ITGA11: variants seen among roughly 807,000 people sequenced by gnomAD.
ITGA11 encodes integrin alpha-11.
In ITGA11, 97 loss-of-function variants were observed where a neutral mutation model predicts 141.9. The observed-to-expected ratio is 0.68, with a 90% CI of 0.58 to 0.81. The LOEUF (loss-of-function observed/expected upper bound fraction) is 0.81. ITGA11 is among the 30% of genes least tolerant of loss of function. The probability of loss-of-function intolerance (pLI) is 0.00; values close to 1 mark genes in which losing one functional copy is unlikely to be tolerated. For missense variants in ITGA11, 1,387 were observed against 1,559.2 expected (o/e 0.89, Z 1.86); for synonymous variants, 658 against 624.6 (o/e 1.05, Z -0.80).
chr15:68,378,779 A>C (rs1354629929), intron 2 of ITGA11, among the ~76,000 whole-genome samples: 2 of 152,246 alleles, frequency 1.3e-5, no homozygotes, highest in Non-Finnish European at 2.9e-5. Context: ...TGATGGCTGG[A>C]CATAGAGGCG....
chr15:68,325,243 TG>T lies in ITGA11; in HGVS notation c.2212-3del, dbSNP rs1567129323. The T allele has an allele frequency of 3.1e-6, 5 of 1,608,658 alleles. No homozygotes were observed. Among genetic ancestry groups the T allele is most frequent in the Non-Finnish European group, 3.4e-6 (4 of 1,175,148 alleles). On this transcript the variant is annotated splice_region_variant and splice_polypyrimidine_tract_variant and intron_variant, in intron 17 of 29. Coordinates refer to ENST00000315757, the MANE Select transcript of ITGA11 (RefSeq NM_001004439.2). This position sits in a 1 kb window ranked among gnomAD's most constrained non-coding sequence, Gnocchi z 5.5. ...TGGCTTCACGTAGTCAGCAGTGTCC[TG>T]GGGGGTGGAGATGAGGGCAGCGGTG...
At chr15:68,353,457 C>T (rs1400762625) in intron 7 of ITGA11, among the ~76,000 whole-genome samples, 1 of 151,966 alleles carries the variant, frequency 6.6e-6, no homozygotes, top group African/African-American at 2.4e-5. Flanking sequence ...CATGGAAGGG[C>T]CAGGCCCAGG....
At chr15:68,370,050 G>A (rs1343237384) in intron 2 of ITGA11, among the ~76,000 whole-genome samples, 5 of 152,094 alleles carry the variant, frequency 3.3e-5, no homozygotes, top group African/African-American at 1.2e-4. Context: ...GCCAAGGAGC[G>A]CCCGGGACCA....
intron 18 of ITGA11, among the ~76,000 whole-genome samples, chr15:68,323,679 A>G (rs2140292587): frequency 6.6e-6 from 1 of 152,260 alleles, no homozygotes; most frequent in East Asian, 1.9e-4. Flanking sequence ...GGTTTACCTG[A>G]AGCTGCATCC....
At chr15:68,362,877 G>A (rs1895292728) in intron 4 of ITGA11, among the ~76,000 whole-genome samples, 1 of 151,984 alleles carries the variant, frequency 6.6e-6, no homozygotes, top group Non-Finnish European at 1.5e-5. Context: ...ATGGGTGGAT[G>A]AATGATAATG....
chr15:68,358,680 C>T, intron 5 of ITGA11, 95 bp from the exon 6 acceptor site: 2 of 1,336,054 alleles, frequency 1.5e-6, no homozygotes, highest in East Asian at 4.9e-5. Flanking sequence ...ATGAATGACT[C>T]TGCTCCATAT....
chr15:68,302,115 T>TGTG lies in ITGA11; in HGVS notation c.*943_*944insCAC, dbSNP rs1555444826. The stretch of plus-strand genomic sequence containing the variant: ...GTGTGTGTGTGTGTGTGTGTGTGTG[T>TGTG]AGGGAGGGGGTGATACAGGGAGGGG... On this transcript the variant is annotated 3_prime_UTR_variant, in exon 30 of 30. Transcript: ENST00000315757. 9.8e-5 allele frequency: 13 copies of TGTG among 133,166 alleles called. No homozygotes were observed. Among genetic ancestry groups the TGTG allele is most frequent in the Non-Finnish European group, 1.1e-4 (7 of 61,040 alleles). 8.2% of individuals were successfully genotyped at this position (133,166 alleles called of 1,614,324 possible).
At position 68,332,422 on chromosome 15, in the gene ITGA11, C is replaced by A. The variant is rs755339488; in HGVS notation, c.1482G>T (p.Val494=). The change falls in exon 13 of 30, where the codon GTG becomes GTT. Residue 494 remains valine, a synonymous_variant. Coordinates refer to ENST00000315757, the MANE Select transcript of ITGA11 (RefSeq NM_001004439.2). ...GTGCGCCCACCAGCAGGACATCAGT[C>A]ACGCCGTCGCCGTCGATGTCCACCG... ...ITSVDIDGDG[V]TDVLLVGAPM... The A allele has an allele frequency of 1.9e-6, 3 of 1,611,292 alleles. No individual in the cohort carries two copies. In the Admixed American group the frequency reaches 5.0e-5, roughly 27 times the overall value.
chr15:68,370,222 G>A (rs1376939758), intron 2 of ITGA11, among the ~76,000 whole-genome samples: 1 of 152,202 alleles, frequency 6.6e-6, no homozygotes, highest in Non-Finnish European at 1.5e-5. Context: ...TATGGCGGCC[G>A]TAAGGAACTA....
At chr15:68,334,945 G>A (rs1196001875) in intron 12 of ITGA11, among the ~76,000 whole-genome samples, 1 of 152,166 alleles carries the variant, frequency 6.6e-6, no homozygotes, top group African/African-American at 2.4e-5. Flanking sequence ...AATGGCAGGA[G>A]GGTGGCGCTC....
In ITGA11 at chr15:68,347,421, G is replaced by T. The variant is rs571158502; in HGVS notation, c.1131+1409C>A. 1.2e-4 allele frequency among the ~76,000 whole-genome samples: 19 copies of T among 152,340 alleles called. 1 individual carries two copies. In the South Asian group the frequency reaches 3.9e-3, roughly 32 times the overall value. On this transcript the variant is annotated intron_variant, in intron 10 of 29. Coordinates refer to ENST00000315757, the MANE Select transcript of ITGA11 (RefSeq NM_001004439.2). ...TGAAATGAGGTGCAGGAATTTCCTG[G>T]AGAAGTTTAAACCGCTGTGCACATG...
rs762534014 is a variant in ITGA11, at chr15:68,308,050, T to C, written c.3175-354A>G. ...ATCGCTGCAACAGATGCAGAAAAAG[T>C]ATTTTAGGAAGTCCAACTTCTGTTC... is the stretch of plus-strand genomic sequence containing the variant. On this transcript the variant is annotated intron_variant, in intron 26 of 29. Coordinates refer to ENST00000315757, the MANE Select transcript of ITGA11 (RefSeq NM_001004439.2). The surrounding 1 kb of genome is among the most constrained non-coding windows in gnomAD (Gnocchi z 5.2). 5.3e-5 allele frequency among the ~76,000 whole-genome samples: 8 copies of C among 152,342 alleles called. No homozygotes were observed. Among genetic ancestry groups the C allele is most frequent in the Non-Finnish European group, 5.9e-5 (4 of 68,026 alleles).
chr15:68,365,525 G>C (rs1895390522), intron 3 of ITGA11: 2 of 152,910 alleles, frequency 1.3e-5, no homozygotes, highest in Admixed American at 1.4e-4. Flanking sequence ...AAGTGAGTCT[G>C]AATTCCCCAG....
chr15:68,314,571 C>G (rs1168368261), intron 22 of ITGA11, among the ~76,000 whole-genome samples: 3 of 152,232 alleles, frequency 2.0e-5, no homozygotes, highest in African/African-American at 4.8e-5. Flanking sequence ...ACCCAACACA[C>G]ACAGATGTGC....
Position 68,320,174 on chromosome 15 carries a change from T to C in ITGA11, c.2616+11A>G, listed in dbSNP as rs372688230. ...GGCAGAGGCAGTCTGGGCAGGTCGC[T>C]GAGGTCTTACCTTCTGGATCAAGCT... On this transcript the variant is annotated intron_variant, in intron 20 of 29. Transcript: ENST00000315757. 2 of 1,613,378 alleles carry C rather than the reference T, an allele frequency of 1.2e-6. No homozygotes were observed. Among genetic ancestry groups the C allele is most frequent in the African/African-American group, 1.3e-5 (1 of 74,920 alleles).
chr15:68,334,682 C>A (rs1229666318), intron 12 of ITGA11, among the ~76,000 whole-genome samples: 8 of 152,146 alleles, frequency 5.3e-5, no homozygotes, highest in Non-Finnish European at 1.0e-4. Context: ...AATATGTGGC[C>A]TCAGCTATGT....
intron 2 of ITGA11, among the ~76,000 whole-genome samples, chr15:68,371,308 C>T (rs1895582159): frequency 6.6e-6 from 1 of 152,176 alleles, no homozygotes; most frequent in Non-Finnish European, 1.5e-5. Flanking sequence ...TAACCTGACA[C>T]GTGACCAAGT....
rs765416161 is a variant in ITGA11, at chr15:68,298,341, A to G, written c.*4718T>C. On this transcript the variant is annotated 3_prime_UTR_variant, in exon 30 of 30. Coordinates refer to ENST00000315757, the MANE Select transcript of ITGA11 (RefSeq NM_001004439.2). ...TGCTTTTGCCTTAATCAATGGCAAG[A>G]TACTCTTGCATGTTGGCGCTTATTG... The G allele has an allele frequency of 3.3e-5, 5 of 152,200 alleles. No individual in the cohort carries two copies. The highest frequency in any genetic ancestry group is 9.6e-5 in the African/African-American group (4 of 41,452). 9.4% of individuals were successfully genotyped at this position (152,200 alleles called of 1,614,324 possible).
chr15:68,374,211 G>A (rs28436003), intron 2 of ITGA11, among the ~76,000 whole-genome samples: 5,962 of 152,298 alleles, frequency 0.039, 367 homozygotes, highest in African/African-American at 0.12. Flanking sequence ...CCAGCACCAT[G>A]TATATTATTT....
Sources: gnomAD v4.1 joint callset for allele counts (sites outside exome capture counted in the v4.1 genomes callset) on GRCh38, gnomAD v4.1.1 for gene constraint, Gnocchi (gnomAD v3.1) non-coding constraint, MANE v1.5 for transcripts, NCBI Gene and HGNC (gene_info 2026-07-23, HGNC 2026-07-21) for gene names.